The following UBE3A variants were observed in gnomAD, a reference collection of about 807,000 sequenced individuals.
UBE3A encodes ubiquitin protein ligase E3A.
A neutral mutation model predicts 83.4 loss-of-function variants in UBE3A; 6 were observed. That is an observed-to-expected ratio of 0.07 (90% confidence interval 0.04 to 0.14). The LOEUF (loss-of-function observed/expected upper bound fraction) is 0.14. Among genes scored for constraint, UBE3A ranks in the 10% least tolerant of loss-of-function variants. The pLI is 1.00. For missense variants in UBE3A, 456 were observed against 1,036.1 expected (o/e 0.44, Z 7.69); for synonymous variants, 337 against 355.4 (o/e 0.95, Z 0.58).
intron 4 of UBE3A, among the ~76,000 whole-genome samples, chr15:25,376,697 G>A (rs971707944): frequency 3.0e-5 from 4 of 132,190 alleles, no homozygotes; most frequent in African/African-American, 9.0e-5. Context: ...GCTCCAAAGT[G>A]TAGAATCTTA....
intron 9 of UBE3A, 35 bp downstream of exon 9, chr15:25,355,857 G>C: frequency 6.3e-7 from 1 of 1,585,780 alleles, no homozygotes; most frequent in Non-Finnish European, 8.6e-7. Context: ...AAGTGTTAAT[G>C]AAGAGACAAA....
At chr15:25,400,456 CAGTATTTTTAT>C (rs2086809678) in intron 4 of UBE3A, among the ~76,000 whole-genome samples, 1 of 152,086 alleles carries the variant, frequency 6.6e-6, no homozygotes, top group Non-Finnish European at 1.5e-5. Context: ...TATAAGAAAA[CAGTATTTTTAT>C]TGTTGTATTT....
chr15:25,351,281 C>T (rs1348921307), intron 11 of UBE3A, among the ~76,000 whole-genome samples: 1 of 152,016 alleles, frequency 6.6e-6, no homozygotes, highest in African/African-American at 2.4e-5. Context: ...AGAAGTATTA[C>T]AGGTAATAAA....
Position 25,370,280 on chromosome 15 carries a change from A to G in UBE3A, c.1608+286T>C, listed in dbSNP as rs1021038401. 2.0e-4 allele frequency among the ~76,000 whole-genome samples: 30 copies of G among 152,168 alleles called. No individual in the cohort carries two copies. Among genetic ancestry groups the G allele is most frequent in the Admixed American group, 2.6e-4 (4 of 15,276 alleles). ...TGTTCTGGTCTTTGTCCAACACTCT[A>G]TTCTCTTCTGAATGAAAGAAACTTT... On this transcript the variant is annotated intron_variant, in intron 6 of 12. Coordinates refer to ENST00000648336, the MANE Select transcript of UBE3A (RefSeq NM_130839.5). The surrounding 1 kb of genome is among the most constrained non-coding windows in gnomAD (Gnocchi z 4.2).
chr15:25,424,612 A>G (rs892525751), intron 1 of UBE3A, among the ~76,000 whole-genome samples: 5 of 152,212 alleles, frequency 3.3e-5, no homozygotes, highest in Non-Finnish European at 5.9e-5. Context: ...TTACTAAGTG[A>G]ATCAGATGGA....
intron 1 of UBE3A, chr15:25,419,435 G>T (rs1888619394): frequency 6.6e-6 from 1 of 152,060 alleles, no homozygotes; most frequent in African/African-American, 2.4e-5. Flanking sequence ...ATAAAATGAA[G>T]AGTGAAATAA....
chr15:25,365,344 C>A (rs758876454), intron 6 of UBE3A, among the ~76,000 whole-genome samples: 7 of 152,066 alleles, frequency 4.6e-5, no homozygotes, highest in Non-Finnish European at 1.0e-4. Flanking sequence ...TACATCAAAT[C>A]AATTCATAAT....
chr15:25,387,338 A>G (rs1014290125), intron 4 of UBE3A, among the ~76,000 whole-genome samples: 10 of 152,136 alleles, frequency 6.6e-5, no homozygotes, highest in Admixed American at 3.3e-4. Flanking sequence ...TGGCTAACAC[A>G]GTGAAACCCC....
At chr15:25,372,286 T>C (rs1216251251) in intron 5 of UBE3A, among the ~76,000 whole-genome samples, 1 of 152,188 alleles carries the variant, frequency 6.6e-6, no homozygotes, top group Non-Finnish European at 1.5e-5. Flanking sequence ...AAAAGGCTCC[T>C]TCAGCATCTA....
At chr15:25,388,744 GAACT>G (rs2083656524) in intron 4 of UBE3A, among the ~76,000 whole-genome samples, 1 of 152,056 alleles carries the variant, frequency 6.6e-6, no homozygotes, top group African/African-American at 2.4e-5. Flanking sequence ...AAACCTCCTA[GAACT>G]AATAAGTGAT....
intron 1 of UBE3A, among the ~76,000 whole-genome samples, chr15:25,432,819 C>T (rs913142403): frequency 2.6e-5 from 4 of 152,196 alleles, no homozygotes; most frequent in African/African-American, 9.6e-5. Context: ...TATGCTCTTA[C>T]TTGAAACACA....
At chr15:25,347,973 C>T (rs777550348) in intron 11 of UBE3A, among the ~76,000 whole-genome samples, 17 of 151,864 alleles carry the variant, frequency 1.1e-4, no homozygotes, top group Non-Finnish European at 2.2e-4. Context: ...ACAAGAGATT[C>T]GTTTCAAATT....
chr15:25,423,116 T>C (rs1379821327), intron 1 of UBE3A, among the ~76,000 whole-genome samples: 5 of 152,040 alleles, frequency 3.3e-5, no homozygotes, highest in African/African-American at 1.2e-4. Flanking sequence ...CATGACTAGA[T>C]ACTATAAAAT....
intron 1 of UBE3A, among the ~76,000 whole-genome samples, chr15:25,431,256 G>A (rs1404505120): frequency 1.3e-5 from 2 of 152,178 alleles, no homozygotes; most frequent in Non-Finnish European, 2.9e-5. Context: ...TGTTACAAAA[G>A]GGAATGAGAA....
At chr15:25,429,445 CAA>C (rs1157763682) in intron 1 of UBE3A, among the ~76,000 whole-genome samples, 2 of 151,942 alleles carry the variant, frequency 1.3e-5, no homozygotes, top group African/African-American at 2.4e-5. Context: ...TAAAAACAAA[CAA>C]AAGACATATT....
intron 3 of UBE3A, among the ~76,000 whole-genome samples, chr15:25,406,129 G>A (rs570690943): frequency 6.6e-6 from 1 of 152,124 alleles, no homozygotes; most frequent in Non-Finnish European, 1.5e-5. Flanking sequence ...GAACAAATGT[G>A]CCAACCGCTA....
chr15:25,339,293 G>T lies in UBE3A; in HGVS notation c.2499-36C>A. The T allele has an allele frequency of 2.5e-6, 4 of 1,605,304 alleles. No individual in the cohort carries two copies. In the South Asian group the frequency reaches 4.4e-5, roughly 18 times the overall value. On this transcript the variant is annotated intron_variant, in intron 12 of 12. Coordinates refer to ENST00000648336, the MANE Select transcript of UBE3A (RefSeq NM_130839.5). ...AAAAGGGGAAAAAAACAGGAAAACT[G>T]TAAGTCATGGGAAATACACTTAGAA... is the stretch of plus-strand genomic sequence containing the variant.
chr15:25,371,403 A>C lies in UBE3A; in HGVS notation c.771T>G (p.Leu257=). The C allele has an allele frequency of 3.1e-6, 5 of 1,614,160 alleles. No homozygotes were observed. The highest frequency in any genetic ancestry group is 4.2e-6 in the Non-Finnish European group (5 of 1,180,010). The part of the protein sequence containing the change: ...EKIETAFLNA[L]VYLSPNVECD... ...ATTCCACGTTAGGTGACAAATATAC[A>C]AGTGCATTGAGAAAGGCAGTTTCAA... Residue 257 remains leucine, a synonymous_variant, in exon 6 of 13, where the codon CTT becomes CTG. Coordinates refer to ENST00000648336, the MANE Select transcript of UBE3A (RefSeq NM_130839.5). This position sits in a 1 kb window ranked among gnomAD's most constrained non-coding sequence, Gnocchi z 5.3.
chr15:25,395,479 C>G (rs1415483049), intron 4 of UBE3A, among the ~76,000 whole-genome samples: 2 of 151,948 alleles, frequency 1.3e-5, no homozygotes, highest in Non-Finnish European at 2.9e-5. Flanking sequence ...AAGGTGTAGC[C>G]AACAAGATTT....
Sources: allele counts gnomAD v4.1 joint callset (sites outside exome capture counted in the v4.1 genomes callset), GRCh38; gene constraint gnomAD v4.1.1; non-coding constraint Gnocchi (gnomAD v3.1); transcripts MANE v1.5; gene names NCBI Gene and HGNC (gene_info 2026-07-23, HGNC 2026-07-21).